MAGI2: variants seen among roughly 807,000 people sequenced by gnomAD.
MAGI2 encodes the protein membrane associated guanylate kinase, WW and PDZ domain containing 2.
A neutral mutation model predicts 133.3 loss-of-function variants in MAGI2; 35 were observed. The observed-to-expected ratio is 0.26, with a 90% CI of 0.20 to 0.35. MAGI2 has a LOEUF of 0.35. MAGI2 is among the 10% of genes least tolerant of loss of function. MAGI2 has a pLI of 1.00. For synonymous variants in MAGI2, 729 were observed against 710.6 expected (o/e 1.03, Z -0.41); for missense variants, 1,636 against 1,863.4 (o/e 0.88, Z 2.25).
chr7:78,063,944 A>G (rs1354999632), intron 21 of MAGI2, among the ~76,000 whole-genome samples: 1 of 152,136 alleles, frequency 6.6e-6, no homozygotes, highest in Non-Finnish European at 1.5e-5. Flanking sequence ...TGCTTGACAG[A>G]TGCTTATGGA....
intron 1 of MAGI2, among the ~76,000 whole-genome samples, chr7:79,257,911 C>T (rs565599386): frequency 6.6e-6 from 1 of 152,116 alleles, no homozygotes; most frequent in East Asian, 1.9e-4. Flanking sequence ...CTTTCTGAAA[C>T]TTGGAATATC....
intron 4 of MAGI2, among the ~76,000 whole-genome samples, chr7:78,503,349 G>T (rs1794784392): frequency 6.6e-6 from 1 of 151,972 alleles, no homozygotes; most frequent in South Asian, 2.1e-4. Flanking sequence ...GAAAATAAAA[G>T]GTAGGAAGAT....
intron 3 of MAGI2, among the ~76,000 whole-genome samples, chr7:78,620,653 G>A (rs1167053533): frequency 6.6e-6 from 1 of 151,922 alleles, no homozygotes. Flanking sequence ...ACATCATTAG[G>A]AGGAGGGAAA....
chr7:78,574,662 T>C (rs892817059), intron 3 of MAGI2, among the ~76,000 whole-genome samples: 1 of 152,198 alleles, frequency 6.6e-6, no homozygotes, highest in African/African-American at 2.4e-5. Context: ...ACCACTATAG[T>C]TTTCTAAAGT....
At chr7:79,097,873 G>C (rs926648700) in intron 1 of MAGI2, among the ~76,000 whole-genome samples, 4 of 152,160 alleles carry the variant, frequency 2.6e-5, no homozygotes, top group Admixed American at 2.6e-4. Flanking sequence ...TGTAATCCCA[G>C]CACCTTGGGA....
Position 78,463,265 on chromosome 7 carries a change from G to A in MAGI2, c.1045+26496C>T, listed in dbSNP as rs865917429. Among the ~76,000 whole-genome samples, 27 of 152,318 alleles carry A rather than the reference G, an allele frequency of 1.8e-4. No individual in the cohort carries two copies. In the Middle Eastern group the frequency reaches 0.01, roughly 58 times the overall value. ...CAGGAGAGACACCAACGAGGCATTTGCTGAGCACTGCCGTGACAGAAAAGA... is the reference window on the plus strand; with the variant it reads ...CAGGAGAGACACCAACGAGGCATTTACTGAGCACTGCCGTGACAGAAAAGA... On this transcript the variant is annotated intron_variant, in intron 6 of 21. Transcript: ENST00000354212.
intron 1 of MAGI2, among the ~76,000 whole-genome samples, chr7:79,122,940 C>G (rs1820042593): frequency 6.6e-6 from 1 of 152,032 alleles, no homozygotes; most frequent in South Asian, 2.1e-4. Flanking sequence ...GATCCAATAT[C>G]TTTATAAAAT....
intron 1 of MAGI2, among the ~76,000 whole-genome samples, chr7:79,228,647 G>C (rs924834126): frequency 3.3e-5 from 5 of 152,052 alleles, no homozygotes; most frequent in Non-Finnish European, 7.4e-5. Flanking sequence ...AAGAAGACTT[G>C]CATAGAAGCG....
At chr7:79,063,063 A>G (rs1427018362) in intron 1 of MAGI2, among the ~76,000 whole-genome samples, 1 of 152,140 alleles carries the variant, frequency 6.6e-6, no homozygotes, top group Non-Finnish European at 1.5e-5. Flanking sequence ...TAAATCTAAA[A>G]TTCAAAAGTA....
At position 78,665,737 on chromosome 7, in the gene MAGI2, C is replaced by T. The variant is rs527935088; in HGVS notation, c.419-38498G>A. The stretch of plus-strand genomic sequence containing the variant: ...GAAACCATATATCTAGGATAAAATG[C>T]CAAAATAATACATGGAAAGAATCAT... On this transcript the variant is annotated intron_variant, in intron 2 of 21. Transcript: ENST00000354212. 7.9e-5 allele frequency among the ~76,000 whole-genome samples: 12 copies of T among 152,014 alleles called. 1 individual carries two copies. In the South Asian group the frequency reaches 2.3e-3, roughly 29 times the overall value.
At chr7:78,176,862 T>C (rs1476792294) in intron 14 of MAGI2, among the ~76,000 whole-genome samples, 1 of 150,072 alleles carries the variant, frequency 6.7e-6, no homozygotes, top group Non-Finnish European at 1.5e-5. Flanking sequence ...AAACCACATA[T>C]ATATAATATT....
intron 3 of MAGI2, among the ~76,000 whole-genome samples, chr7:78,555,930 T>A (rs1324732992): frequency 6.6e-6 from 1 of 152,178 alleles, no homozygotes; most frequent in Non-Finnish European, 1.5e-5. Context: ...TAAAAGCACA[T>A]AATAATGCAA....
chr7:78,971,559 A>G (rs1803784570), intron 2 of MAGI2, among the ~76,000 whole-genome samples: 1 of 152,054 alleles, frequency 6.6e-6, no homozygotes, highest in South Asian at 2.1e-4. Context: ...TTTTAGTATA[A>G]GTATTTCCTA....
intron 2 of MAGI2, among the ~76,000 whole-genome samples, chr7:78,891,900 A>T (rs1372138575): frequency 6.6e-6 from 1 of 152,184 alleles, no homozygotes; most frequent in Non-Finnish European, 1.5e-5. Flanking sequence ...AGGAGAAAGA[A>T]ATAAAGGGTA....
intron 6 of MAGI2, among the ~76,000 whole-genome samples, chr7:78,399,940 A>G (rs956923075): frequency 5.3e-5 from 8 of 152,048 alleles, no homozygotes; most frequent in African/African-American, 1.9e-4. Context: ...ACACAGCAAA[A>G]AAAAATAACA....
intron 20 of MAGI2, among the ~76,000 whole-genome samples, chr7:78,083,417 AG>A: frequency 6.8e-6 from 1 of 146,476 alleles, no homozygotes; most frequent in Non-Finnish European, 1.5e-5. Context: ...AGAGAGAGAG[AG>A]AGAGAGAGAG....
intron 1 of MAGI2, among the ~76,000 whole-genome samples, chr7:79,158,070 C>T (rs1823991641): frequency 1.3e-5 from 2 of 151,704 alleles, no homozygotes; most frequent in Admixed American, 1.3e-4. Context: ...CTTTTTCTCT[C>T]CATACCATAT....
intron 2 of MAGI2, among the ~76,000 whole-genome samples, chr7:78,878,880 G>A (rs553054585): frequency 6.6e-6 from 1 of 152,226 alleles, no homozygotes; most frequent in East Asian, 1.9e-4. Context: ...TGGTTTAGCA[G>A]GGCCCTCTCC....
intron 2 of MAGI2, among the ~76,000 whole-genome samples, chr7:78,870,792 C>T (rs753947990): frequency 1.3e-5 from 2 of 152,170 alleles, no homozygotes; most frequent in South Asian, 4.2e-4. Flanking sequence ...AATATGGAGC[C>T]AGCCTAAATG....
Sources: gnomAD v4.1 joint callset for allele counts (sites outside exome capture counted in the v4.1 genomes callset) on GRCh38, gnomAD v4.1.1 for gene constraint, MANE v1.5 for transcripts, NCBI Gene and HGNC (gene_info 2026-07-23, HGNC 2026-07-21) for gene names.